Variants in CNTN1 observed in about 807,000 individuals in gnomAD.
CNTN1 encodes contactin 1.
In CNTN1, 38 loss-of-function variants were observed where a neutral mutation model predicts 126.4. The observed-to-expected ratio is 0.30, with a 90% CI of 0.23 to 0.39. The LOEUF (loss-of-function observed/expected upper bound fraction) is 0.39, where lower values mean the gene tolerates loss of function less well. Ranked by LOEUF, CNTN1 falls within the 10% of genes least tolerant of loss-of-function variation. The pLI is 1.00. For synonymous variants in CNTN1, 413 were observed against 422.6 expected, an observed-to-expected ratio of 0.98 and a Z score of 0.28; for missense variants, 1,009 against 1,248.4, an observed-to-expected ratio of 0.81 and a Z score of 2.89.
intron 17 of CNTN1, among the ~76,000 whole-genome samples, chr12:40,997,293 T>A (rs753878296): frequency 3.7e-4 from 57 of 152,374 alleles, no homozygotes; most frequent in Middle Eastern, 3.4e-3. Context: ...CATTCAGGTT[T>A]GTTTTAACAG....
At chr12:40,895,525 G>A (rs1488233491) in intron 1 of CNTN1, among the ~76,000 whole-genome samples, 2 of 152,012 alleles carry the variant, frequency 1.3e-5, no homozygotes, top group South Asian at 2.1e-4. Context: ...GCGTGTGCTC[G>A]GGTGTTTGCT....
intron 6 of CNTN1, among the ~76,000 whole-genome samples, chr12:40,925,828 ATG>A (rs1317316387): frequency 0.046 from 3,828 of 83,616 alleles, 108 homozygotes; most frequent in Admixed American, 0.13. Flanking sequence ...ATATATATAT[ATG>A]TATGTGTGTG....
At chr12:40,865,369 T>G (rs970216493) in intron 1 of CNTN1, among the ~76,000 whole-genome samples, 1 of 152,130 alleles carries the variant, frequency 6.6e-6, no homozygotes, top group Non-Finnish European at 1.5e-5. Flanking sequence ...TAATTCTATT[T>G]TTGCTTTTGT....
intron 23 of CNTN1, among the ~76,000 whole-genome samples, chr12:41,056,048 TCTGGGCCTGGCCAGATACTTCTTTC>T (rs1254804614): frequency 1.3e-5 from 2 of 152,106 alleles, no homozygotes; most frequent in African/African-American, 2.4e-5. Flanking sequence ...TGCCCTTTAG[TCTGGGCCTGGCCAGATACTTCTTTC>T]CTGAGTCCAT....
chr12:40,822,364 A>C (rs1420136310), intron 1 of CNTN1, among the ~76,000 whole-genome samples: 1 of 151,744 alleles, frequency 6.6e-6, no homozygotes, highest in Non-Finnish European at 1.5e-5. Context: ...CATGTTGGCC[A>C]GGCTGGTCTC....
At chr12:40,800,102 C>T (rs750397414) in intron 1 of CNTN1, among the ~76,000 whole-genome samples, 8 of 151,944 alleles carry the variant, frequency 5.3e-5, no homozygotes, top group Non-Finnish European at 7.4e-5. Flanking sequence ...TTTATCCCCA[C>T]GTGTCAAGGG....
At chr12:40,979,724 T>C (rs912163107) in intron 15 of CNTN1, among the ~76,000 whole-genome samples, 6 of 152,112 alleles carry the variant, frequency 3.9e-5, no homozygotes, top group Admixed American at 2.6e-4. Flanking sequence ...CATTTTTCTC[T>C]TATTTTTATT....
intron 14 of CNTN1, among the ~76,000 whole-genome samples, chr12:40,945,238 GTAATA>G (rs1437664771): frequency 1.3e-5 from 2 of 152,006 alleles, no homozygotes; most frequent in Non-Finnish European, 2.9e-5. Context: ...TATATACCAT[GTAATA>G]TATTTTCCTT....
chr12:40,933,945 GA>G, intron 9 of CNTN1, 67 bp downstream of exon 9: 1 of 1,173,624 alleles, frequency 8.5e-7, no homozygotes, highest in African/African-American at 1.5e-5. Flanking sequence ...TTCCATACAT[GA>G]AAAACTACTA....
intron 17 of CNTN1, among the ~76,000 whole-genome samples, chr12:41,006,086 AT>A (rs890261472): frequency 6.6e-6 from 1 of 151,598 alleles, no homozygotes; most frequent in Admixed American, 6.6e-5. Context: ...ACAACCTTTG[AT>A]TTTTTTTCTC....
chr12:40,891,683 CA>C (rs1944244258), intron 1 of CNTN1, among the ~76,000 whole-genome samples: 1 of 152,002 alleles, frequency 6.6e-6, no homozygotes, highest in African/African-American at 2.4e-5. Flanking sequence ...TGTCAAAAGT[CA>C]GTTGATTATC....
chr12:40,709,634 A>C (rs1482318156), intron 1 of CNTN1, among the ~76,000 whole-genome samples: 3 of 152,236 alleles, frequency 2.0e-5, no homozygotes, highest in African/African-American at 7.2e-5. Flanking sequence ...CACCTTCATC[A>C]GTGAGCTTAG....
chr12:40,974,143 T>C (rs1263223846), intron 15 of CNTN1, among the ~76,000 whole-genome samples: 1 of 152,144 alleles, frequency 6.6e-6, no homozygotes, highest in Non-Finnish European at 1.5e-5. Flanking sequence ...AAAAATCAAA[T>C]CTATATTTTG....
intron 1 of CNTN1, among the ~76,000 whole-genome samples, chr12:40,868,349 A>G (rs942167945): frequency 6.6e-6 from 1 of 152,144 alleles, no homozygotes; most frequent in Non-Finnish European, 1.5e-5. Flanking sequence ...AAAGCTTCTA[A>G]TCCAGTCTGT....
intron 1 of CNTN1, among the ~76,000 whole-genome samples, chr12:40,772,463 G>T (rs772709264): frequency 6.6e-6 from 1 of 151,848 alleles, no homozygotes; most frequent in African/African-American, 2.4e-5. Flanking sequence ...TTAAAACTAA[G>T]AAGAAGCAAA....
At chr12:41,030,172 T>C (rs552562951) in intron 23 of CNTN1, among the ~76,000 whole-genome samples, 1 of 151,976 alleles carries the variant, frequency 6.6e-6, no homozygotes, top group South Asian at 2.1e-4. Context: ...AAAATAAAAG[T>C]TAAATTTTAA....
intron 1 of CNTN1, among the ~76,000 whole-genome samples, chr12:40,809,849 C>CACAT (rs1306559063): frequency 0.013 from 1,789 of 142,026 alleles, 33 homozygotes; most frequent in African/African-American, 0.043. Context: ...CACACACACA[C>CACAT]AAAAGTCAAA....
At chr12:40,851,308 G>A (rs1481791394) in intron 1 of CNTN1, among the ~76,000 whole-genome samples, 1 of 152,102 alleles carries the variant, frequency 6.6e-6, no homozygotes, top group Non-Finnish European at 1.5e-5. Flanking sequence ...TCATTGTCCT[G>A]GCATTTTTCC....
chr12:40,940,480 G>C (rs568665452), intron 12 of CNTN1, among the ~76,000 whole-genome samples: 1 of 152,266 alleles, frequency 6.6e-6, no homozygotes, highest in Admixed American at 6.5e-5. Context: ...TTATTACTCA[G>C]ATGTAGAAAA....
Sources: gnomAD v4.1 joint callset for allele counts (sites outside exome capture counted in the v4.1 genomes callset) on GRCh38, gnomAD v4.1.1 for gene constraint, MANE v1.5 for transcripts, NCBI Gene and HGNC (gene_info 2026-07-23, HGNC 2026-07-21) for gene names.